The following PRELID2 variants were observed in gnomAD, a reference collection of about 807,000 sequenced individuals.
The protein encoded by PRELID2 is PRELI domain containing 2.
In PRELID2, 25 loss-of-function variants were observed where a neutral mutation model predicts 28.4. The ratio of observed to expected loss-of-function variants is 0.88; its 90% CI spans 0.64 to 1.23. The LOEUF (loss-of-function observed/expected upper bound fraction) is 1.23. Among genes scored for constraint, PRELID2 ranks in the 50% most tolerant of loss-of-function variants. PRELID2 has a pLI of 0.00. For synonymous variants in PRELID2, 76 were observed against 71.6 expected, an observed-to-expected ratio of 1.06 and a Z score of -0.31; for missense variants, 201 against 214.4, an observed-to-expected ratio of 0.94 and a Z score of 0.39.
chr5:145,291,337 G>GAAAAAAAAAAAA, the PRELID2 span, among the ~76,000 whole-genome samples: 19 of 41,730 alleles, frequency 4.6e-4, 1 homozygote, highest in African/African-American at 1.5e-3. Context: ...CTCTGTTTCA[G>GAAAAAAAAAAAA]AAAAAAAAAA....
intron 1 of PRELID2, among the ~76,000 whole-genome samples, chr5:145,705,392 C>T (rs1420202454): frequency 6.6e-6 from 1 of 151,576 alleles, no homozygotes; most frequent in Admixed American, 6.6e-5. Flanking sequence ...TTAGTAGAGA[C>T]GGGGTTTGAC....
intron 1 of PRELID2, among the ~76,000 whole-genome samples, chr5:145,628,223 C>T (rs1282848025): frequency 6.6e-6 from 1 of 152,138 alleles, no homozygotes; most frequent in African/African-American, 2.4e-5. Flanking sequence ...CCTCACCTCC[C>T]CAACTCCCAA....
At chr5:145,734,115 AT>A (rs1288361640) in intron 1 of PRELID2, among the ~76,000 whole-genome samples, 1 of 152,028 alleles carries the variant, frequency 6.6e-6, no homozygotes. Context: ...CAACATCTTG[AT>A]TTTTTTAAAT....
At chr5:145,741,387 ATTAT>A (rs1390857108) in intron 1 of PRELID2, among the ~76,000 whole-genome samples, 4 of 107,514 alleles carry the variant, frequency 3.7e-5, no homozygotes, top group Non-Finnish European at 1.7e-5. Context: ...TTATTTATAA[ATTAT>A]TTATATATAA....
the PRELID2 span, among the ~76,000 whole-genome samples, chr5:145,434,333 G>A: frequency 6.6e-6 from 1 of 152,254 alleles, no homozygotes; most frequent in South Asian, 2.1e-4. Context: ...AGTATTCATT[G>A]AACAGAACAC....
the PRELID2 span, among the ~76,000 whole-genome samples, chr5:145,386,030 C>A: frequency 6.6e-6 from 1 of 151,812 alleles, no homozygotes; most frequent in Non-Finnish European, 1.5e-5. Flanking sequence ...TCCCGGGGTG[C>A]TATAAAGACA....
At position 145,810,995 on chromosome 5, in the gene PRELID2, C is replaced by T. The variant is rs184351728; in HGVS notation, c.368+6899G>A. Among the ~76,000 whole-genome samples, 165 of 132,910 alleles carry T rather than the reference C, an allele frequency of 1.2e-3. 1 individual carries two copies. Among genetic ancestry groups the T allele is most frequent in the African/African-American group, 4.4e-3 (155 of 35,566 alleles). 87.2% of individuals were successfully genotyped at this position (132,910 alleles called of 152,430 possible). ...AGACTGGGTAATTTATAAAGGAAAG[C>T]GGTTTAATGGACTCACAGTTCCACA... On this transcript the variant is annotated intron_variant, in intron 4 of 6. Coordinates refer to ENST00000683046, the MANE Select transcript of PRELID2 (RefSeq NM_205846.3).
intron 1 of PRELID2, among the ~76,000 whole-genome samples, chr5:145,509,956 G>A (rs890732594): frequency 7.2e-5 from 11 of 152,076 alleles, no homozygotes; most frequent in Admixed American, 2.6e-4. Flanking sequence ...ACCTGCTCTC[G>A]TTGTTAAGTA....
chr5:145,555,666 G>A (rs1752874505), intron 1 of PRELID2, among the ~76,000 whole-genome samples: 1 of 152,152 alleles, frequency 6.6e-6, no homozygotes, highest in African/African-American at 2.4e-5. Context: ...GATGAATGCT[G>A]AAGCTGATCA....
chr5:145,645,498 C>G (rs1754182598), intron 1 of PRELID2, among the ~76,000 whole-genome samples: 1 of 151,946 alleles, frequency 6.6e-6, no homozygotes, highest in African/African-American at 2.4e-5. Context: ...ATTTGCCAGT[C>G]TGTGTCTTTT....
At chr5:145,622,233 G>A (rs77495442) in intron 1 of PRELID2, among the ~76,000 whole-genome samples, 1 of 152,040 alleles carries the variant, frequency 6.6e-6, no homozygotes, top group Non-Finnish European at 1.5e-5. Context: ...TAAATAAAAT[G>A]ATCTAAACTT....
chr5:145,775,907 A>G (rs1333485981), intron 5 of PRELID2, among the ~76,000 whole-genome samples: 1 of 152,218 alleles, frequency 6.6e-6, no homozygotes, highest in Non-Finnish European at 1.5e-5. Context: ...AACATTACAA[A>G]TTAAAAAGAG....
rs542850031 is a variant in PRELID2, at chr5:145,595,780, C to T, written n.71-122465G>A. ...TCTTTTGAATAAGTTGTTCAAGTAC[C>T]TCCCCTTCATTTTTTAATGGTTACA... On this transcript the variant is annotated intron_variant and non_coding_transcript_variant, in intron 1 of 2. Coordinates refer to the PRELID2 transcript ENST00000510259. Among the ~76,000 whole-genome samples the T allele has an allele frequency of 4.7e-4, 71 of 152,130 alleles. 1 individual carries two copies. The Middle Eastern group carries it at 0.01, about 22-fold the overall frequency.
chr5:145,414,812 A>G, the PRELID2 span, among the ~76,000 whole-genome samples: 1 of 152,206 alleles, frequency 6.6e-6, no homozygotes, highest in Non-Finnish European at 1.5e-5. Context: ...TCTTGAAATA[A>G]TATGCAGCAC....
intron 1 of PRELID2, among the ~76,000 whole-genome samples, chr5:145,693,255 C>T (rs1336266058): frequency 2.6e-5 from 4 of 151,468 alleles, no homozygotes; most frequent in African/African-American, 9.7e-5. Flanking sequence ...TTAAGTGATC[C>T]TTCCATCTCA....
the PRELID2 span, among the ~76,000 whole-genome samples, chr5:145,394,075 T>G: frequency 6.6e-6 from 1 of 152,132 alleles, no homozygotes; most frequent in Non-Finnish European, 1.5e-5. Context: ...GCCATCCCAT[T>G]ACTGGGTATA....
chr5:145,447,470 C>CTT, the PRELID2 span, among the ~76,000 whole-genome samples: 71 of 134,666 alleles, frequency 5.3e-4, no homozygotes, highest in Admixed American at 1.3e-3. Flanking sequence ...CTGAAATTTT[C>CTT]TTTTTTTTTT....
intron 5 of PRELID2, among the ~76,000 whole-genome samples, chr5:145,777,871 T>C (rs1758514720): frequency 6.6e-6 from 1 of 152,212 alleles, no homozygotes; most frequent in Non-Finnish European, 1.5e-5. Flanking sequence ...TGCCTGTCCC[T>C]GCTGCCTGGC....
At chr5:145,666,927 G>A (rs1020681411) in intron 1 of PRELID2, among the ~76,000 whole-genome samples, 3 of 151,996 alleles carry the variant, frequency 2.0e-5, no homozygotes, top group Admixed American at 2.0e-4. Context: ...GCTTATACGT[G>A]ACCAATTTAA....
Sources: allele counts gnomAD v4.1 joint callset (sites outside exome capture counted in the v4.1 genomes callset), GRCh38; gene constraint gnomAD v4.1.1; transcripts MANE v1.5; gene names NCBI Gene and HGNC (gene_info 2026-07-23, HGNC 2026-07-21).